TCIRG1: variants seen among roughly 807,000 people sequenced by gnomAD.
TCIRG1 encodes the protein T cell immune regulator 1, ATPase H+ transporting V0 subunit a3, also known as V-type proton ATPase 116 kDa subunit a 3.
TCIRG1 carries 86 observed loss-of-function variants against 95.5 expected under a neutral mutation model. The ratio of observed to expected loss-of-function variants is 0.90; its 90% confidence interval spans 0.76 to 1.08. The LOEUF is 1.08. Among genes scored for constraint, TCIRG1 ranks in the 50% least tolerant of loss-of-function variants. The probability of loss-of-function intolerance (pLI) is 0.00; values close to 1 mark genes in which losing one functional copy is unlikely to be tolerated. For missense variants in TCIRG1, 1,069 were observed against 1,140.2 expected (o/e 0.94, Z 0.90); for synonymous variants, 499 against 501.3 (o/e 1.00, Z 0.06).
rs759427889 is a variant in TCIRG1 at position 68,043,363 on chromosome 11, G to T, written c.504-8G>T. On this transcript the variant is annotated splice_polypyrimidine_tract_variant and splice_region_variant and intron_variant, in intron 5 of 19. Transcript: ENST00000265686. ...TGGAGCAGCCCTGCCCAGCCCCGTG[G>T]CCGCCAGCTTTGTGGCAGGTGCCGT... is the stretch of plus-strand genomic sequence containing the variant. The T allele has an allele frequency of 2.6e-6, 4 of 1,539,682 alleles. No homozygotes were observed. In the Admixed American group the frequency reaches 7.8e-5, roughly 30 times the overall value.
intron 15 of TCIRG1, 56 bp downstream of exon 15, chr11:68,049,350 C>T: frequency 1.3e-6 from 2 of 1,519,030 alleles, no homozygotes; most frequent in South Asian, 1.2e-5. Flanking sequence ...ACCCCGCGGT[C>T]ACAGGGCCAC....
chr11:68,049,943 C>T lies in TCIRG1; in HGVS notation c.2014-19C>T, dbSNP rs764795758. 2.4e-5 allele frequency: 39 copies of T among 1,601,606 alleles called. No individual in the cohort carries two copies. In the South Asian group the frequency reaches 4.2e-4, roughly 17 times the overall value. ...TCCTGGGGCTGGAGTGCTGCCAACA[C>T]TGCCTGCTCATGCCCCAGGAGGAAA... is the stretch of plus-strand genomic sequence containing the variant. On this transcript the variant is annotated intron_variant, in intron 16 of 19. Coordinates refer to ENST00000265686, the MANE Select transcript of TCIRG1 (RefSeq NM_006019.4).
chr11:68,053,369 G>C (rs910786869), downstream of TCIRG1: 4 of 152,834 alleles, frequency 2.6e-5, no homozygotes, highest in East Asian at 5.8e-4. Flanking sequence ...CAGGAGGGGA[G>C]AGCTCTGCTC....
Position 68,050,823 on chromosome 11 carries a change from C to A in TCIRG1, c.*4C>A. 6.2e-7 allele frequency: 1 copy of A among 1,612,936 alleles called. No individual in the cohort carries two copies. Among genetic ancestry groups the A allele is most frequent in the Non-Finnish European group, 8.5e-7 (1 of 1,179,952 alleles). Reference sequence around the variant, plus strand: ...CTTCGCTGCCACAGATGACTAGGGCCCACTGCAGGTCCTGCCAGACCTCCT... The same window carrying A: ...CTTCGCTGCCACAGATGACTAGGGCACACTGCAGGTCCTGCCAGACCTCCT... On this transcript the variant is annotated 3_prime_UTR_variant, in exon 20 of 20. Transcript: ENST00000265686.
intron 10 of TCIRG1, 36 bp from the exon 11 acceptor site, chr11:68,047,397 T>G: frequency 1.2e-6 from 2 of 1,612,394 alleles, no homozygotes; most frequent in African/African-American, 1.3e-5. Context: ...TGCTGGTGTG[T>G]TCGGGGGTTC....
chr11:68,041,773 C>T lies in TCIRG1; in HGVS notation c.138C>T (p.Ala46=), dbSNP rs2134432283. Reference sequence around the variant, plus strand: ...CACAGCTCAACGCCTCGGTGAGCGCCTTCCAGAGACGCTTTGTGGTTGATG... The same window carrying T: ...CACAGCTCAACGCCTCGGTGAGCGCTTTCCAGAGACGCTTTGTGGTTGATG... ...EFRDLNASVS[A]FQRRFVVDVR... The change falls in exon 3 of 20, where the codon GCC becomes GCT. Residue 46 remains alanine, a synonymous_variant. Transcript: ENST00000265686. 1 of 1,610,306 alleles carries T rather than the reference C, an allele frequency of 6.2e-7. No homozygotes were observed. The highest frequency in any genetic ancestry group is 1.7e-5 in the Admixed American group (1 of 59,654).
chr11:68,045,937 C>T (rs1366929208), intron 10 of TCIRG1, among the ~76,000 whole-genome samples: 1 of 152,202 alleles, frequency 6.6e-6, no homozygotes, highest in Admixed American at 6.5e-5. Flanking sequence ...GGCCCCCACT[C>T]AGTGTCACTG....
chr11:68,047,766 C>T lies in TCIRG1; in HGVS notation c.1425C>T (p.Gly475=), dbSNP rs1565160718. The T allele has an allele frequency of 6.2e-7, 1 of 1,613,082 alleles. No individual in the cohort carries two copies. Among genetic ancestry groups the T allele is most frequent in the African/African-American group, 1.3e-5 (1 of 74,940 alleles). Residue 475 remains glycine, a synonymous_variant, in exon 12 of 20, where the codon GGC becomes GGT. Coordinates refer to ENST00000265686, the MANE Select transcript of TCIRG1 (RefSeq NM_006019.4). ...FSRATSIFPS[G]WSVAAMANQS... is the part of the protein sequence containing the mutation. The stretch of plus-strand genomic sequence containing the variant: ...GCGCCACCAGCATCTTCCCCTCGGG[C>T]TGGAGTGTGGCCGCCATGGCCAACC...
In TCIRG1 at chr11:68,043,375, G is replaced by A. The variant is rs2134437888; in HGVS notation, c.508G>A (p.Val170Met). The change falls in exon 6 of 20, where the codon GTG (valine) becomes ATG (methionine). Residue 170 changes from valine (V) to methionine (M), a missense_variant. Physicochemically the swap from Val to Met is conservative, Grantham distance 21. Transcript: ENST00000265686. The part of the protein sequence containing the change: ...GPHQDLRVNF[V>M]AGAVEPHKAP... Reference sequence around the variant, plus strand: ...GCCCAGCCCCGTGGCCGCCAGCTTTGTGGCAGGTGCCGTGGAGCCCCACAA... The same window carrying A: ...GCCCAGCCCCGTGGCCGCCAGCTTTATGGCAGGTGCCGTGGAGCCCCACAA... 1.3e-6 allele frequency: 2 copies of A among 1,539,408 alleles called. No homozygotes were observed. Among genetic ancestry groups the A allele is most frequent in the Admixed American group, 2.0e-5 (1 of 50,924 alleles).
In TCIRG1 at chr11:68,050,771, C is replaced by T. The variant is rs150788130; in HGVS notation, c.2445C>T (p.Gly815=). The T allele has an allele frequency of 2.6e-4, 423 of 1,613,886 alleles. No homozygotes were observed. In the Middle Eastern group the frequency reaches 4.8e-3, roughly 18 times the overall value. ...AATTCCAGAACAAGTTCTACTCAGG[C>T]ACGGGCTACAAGCTGAGTCCCTTCA... ...WVEFQNKFYS[G]TGYKLSPFTF... is the part of the protein sequence containing the mutation. The change falls in exon 20 of 20, where the codon GGC becomes GGT. Residue 815 remains glycine, a synonymous_variant. Transcript: ENST00000265686.
At chr11:68,045,325 C>T (rs914633427) in intron 10 of TCIRG1, among the ~76,000 whole-genome samples, 22 of 152,250 alleles carry the variant, frequency 1.4e-4, no homozygotes, top group Non-Finnish European at 2.2e-4. Flanking sequence ...ACAAGGGAGC[C>T]GGCACGGGCT....
intron 1 of TCIRG1, chr11:68,040,012 A>G (rs1020297540): frequency 4.6e-5 from 7 of 152,392 alleles, no homozygotes; most frequent in African/African-American, 1.7e-4. Flanking sequence ...GGCACATAAC[A>G]TTGGACTTTA....
intron 2 of TCIRG1, 55 bp from the exon 3 acceptor site, chr11:68,041,698 A>C: frequency 6.9e-7 from 1 of 1,454,830 alleles, no homozygotes; most frequent in Non-Finnish European, 9.5e-7. Flanking sequence ...CTCTAGGGTG[A>C]GGAGCTCCCT....
At chr11:68,044,777 T>G (rs1855387035) in intron 9 of TCIRG1, 181 bp from the exon 10 acceptor site, 1 of 734,374 alleles carries the variant, frequency 1.4e-6, no homozygotes, top group Non-Finnish European at 2.2e-6. Context: ...CCAATCCATG[T>G]GGTGTCTTTG....
At chr11:68,043,166 G>A (rs1253355663) in intron 5 of TCIRG1, 135 bp downstream of exon 5, 54 of 1,520,306 alleles carry the variant, frequency 3.6e-5, no homozygotes, top group Non-Finnish European at 4.3e-5. Flanking sequence ...CTTCAGGCCC[G>A]GAACTTCCCA....
chr11:68,052,781 G>A (rs1392317107), downstream of TCIRG1: 2 of 152,240 alleles, frequency 1.3e-5, no homozygotes, highest in South Asian at 4.1e-4. Context: ...GGGTGCAGAT[G>A]GAGCCCTCCG....
downstream of TCIRG1, chr11:68,052,296 G>GCTGA (rs1448118701): frequency 2.0e-5 from 3 of 152,436 alleles, no homozygotes; most frequent in Non-Finnish European, 4.4e-5. Context: ...CTGTGACTGA[G>GCTGA]CTGACAGTGG....
At chr11:68,052,077 G>C (rs1482808141), downstream of TCIRG1, 2 of 152,600 alleles carry the variant, frequency 1.3e-5, no homozygotes, top group Admixed American at 6.5e-5. Context: ...GGGAGACATA[G>C]GGATGGGGTG....
intron 13 of TCIRG1, 180 bp from the exon 14 acceptor site, chr11:68,048,699 G>A: frequency 1.4e-6 from 1 of 697,830 alleles, no homozygotes; most frequent in Admixed American, 2.0e-5. Flanking sequence ...GGTCACCCAG[G>A]CTGGCACCGT....
Sources: allele counts gnomAD v4.1 joint callset (sites outside exome capture counted in the v4.1 genomes callset), GRCh38; gene constraint gnomAD v4.1.1; transcripts MANE v1.5; gene names NCBI Gene and HGNC (gene_info 2026-07-23, HGNC 2026-07-21).